Variants in BAZ2B observed in about 807,000 individuals in gnomAD.
The protein encoded by BAZ2B is bromodomain adjacent to zinc finger domain protein 2B.
A neutral mutation model predicts 246.0 loss-of-function variants in BAZ2B; 91 were observed. That is an observed-to-expected ratio of 0.37 (90% CI 0.31 to 0.44). The LOEUF is 0.44. Among genes scored for constraint, BAZ2B ranks in the 20% least tolerant of loss-of-function variants. BAZ2B has a pLI of 1.00. For missense variants in BAZ2B, 2,332 were observed against 2,533.7 expected (o/e 0.92, Z 1.71); for synonymous variants, 855 against 860.0 (o/e 0.99, Z 0.10).
the BAZ2B span, chr2:159,689,862 A>AAG: frequency 2.2e-6 from 1 of 461,164 alleles, no homozygotes; most frequent in Non-Finnish European, 3.9e-6. Context: ...TACTGAGCAT[A>AAG]AGAGGTCATC....
upstream of BAZ2B, among the ~76,000 whole-genome samples, chr2:159,617,277 C>A (rs1696195741): frequency 1.3e-5 from 2 of 152,004 alleles, no homozygotes; most frequent in Admixed American, 6.6e-5. Flanking sequence ...CTATGGTCTA[C>A]CCCCAGAATC....
chr2:159,450,378 G>GAAAAAAAAAAAAAAA (rs35106931), intron 4 of BAZ2B, among the ~76,000 whole-genome samples: 1 of 125,852 alleles, frequency 7.9e-6, no homozygotes, highest in African/African-American at 3.2e-5. Context: ...CTCTCTCAAA[G>GAAAAAAAAAAAAAAA]AAAAAAAAAA....
At chr2:159,696,604 CTTCT>C in the BAZ2B span, among the ~76,000 whole-genome samples, 2 of 152,144 alleles carry the variant, frequency 1.3e-5, no homozygotes, top group Non-Finnish European at 2.9e-5. Flanking sequence ...CTGTCACTAG[CTTCT>C]TTCTTCTCCT....
At chr2:159,646,449 A>T in the BAZ2B span, among the ~76,000 whole-genome samples, 28 of 152,116 alleles carry the variant, frequency 1.8e-4, no homozygotes, top group Non-Finnish European at 3.4e-4. Flanking sequence ...GGCAATATAC[A>T]TCCTTCTCAG....
chr2:159,392,944 A>G (rs930900465), intron 20 of BAZ2B, among the ~76,000 whole-genome samples: 1 of 145,042 alleles, frequency 6.9e-6, no homozygotes, highest in Admixed American at 6.9e-5. Flanking sequence ...GTGGAATTAA[A>G]TACATTTATT....
intron 2 of BAZ2B, among the ~76,000 whole-genome samples, chr2:159,535,642 C>G (rs565041892): frequency 2.4e-4 from 36 of 152,130 alleles, no homozygotes; most frequent in African/African-American, 8.7e-4. Flanking sequence ...CAGTATAGTA[C>G]TTAAAATAAG....
the BAZ2B span, among the ~76,000 whole-genome samples, chr2:159,687,896 C>T: frequency 6.6e-6 from 1 of 152,090 alleles, no homozygotes; most frequent in East Asian, 1.9e-4. Context: ...AATTGAATTG[C>T]ATTGGTGTCC....
At chr2:159,661,546 A>AT in the BAZ2B span, among the ~76,000 whole-genome samples, 2 of 152,178 alleles carry the variant, frequency 1.3e-5, no homozygotes, top group South Asian at 4.1e-4. Context: ...TAGTTTTACA[A>AT]TTTTATATTC....
At chr2:159,526,701 T>G (rs2084779611) in intron 2 of BAZ2B, among the ~76,000 whole-genome samples, 2 of 152,060 alleles carry the variant, frequency 1.3e-5, no homozygotes, top group Admixed American at 6.5e-5. Context: ...GAAAAATGAA[T>G]GTCTTTTGGC....
At chr2:159,367,413 C>T (rs184306196) in intron 27 of BAZ2B, among the ~76,000 whole-genome samples, 30 of 152,148 alleles carry the variant, frequency 2.0e-4, no homozygotes, top group Admixed American at 4.6e-4. Context: ...TTGTACAACA[C>T]GAATTTAATT....
chr2:159,467,159 C>A (rs2077165149), intron 3 of BAZ2B, among the ~76,000 whole-genome samples: 1 of 152,064 alleles, frequency 6.6e-6, no homozygotes, highest in African/African-American at 2.4e-5. Context: ...GATAAGGGGT[C>A]AGAATGAGAA....
At chr2:159,603,773 G>C (rs1692744998) in intron 1 of BAZ2B, among the ~76,000 whole-genome samples, 2 of 151,802 alleles carry the variant, frequency 1.3e-5, no homozygotes, top group South Asian at 4.2e-4. Flanking sequence ...GGTCACTAAT[G>C]TCCTTGTCAC....
chr2:159,600,441 A>C (rs898793808), intron 1 of BAZ2B, among the ~76,000 whole-genome samples: 1 of 152,210 alleles, frequency 6.6e-6, no homozygotes, highest in Non-Finnish European at 1.5e-5. Flanking sequence ...TTAAAAAAAA[A>C]CGAAAAAATA....
Position 159,349,201 on chromosome 2 carries a change from G to A in BAZ2B, c.4943C>T (p.Thr1648Ile), listed in dbSNP as rs757078097. 6.2e-7 allele frequency: 1 copy of A among 1,614,014 alleles called. No homozygotes were observed. The highest frequency in any genetic ancestry group is 8.5e-7 in the Non-Finnish European group (1 of 1,179,924). ...TGVVTSNIPF[T>I]SSVPSLGSGL... ...CGATCCTAGACTAGGTACAGATGAT[G>A]TAAATGGAATATTAGAAGTAACCAC... Residue 1648 changes from threonine (T) to isoleucine (I), a missense_variant, in exon 29 of 37, where the codon ACA (threonine) becomes ATA (isoleucine). Physicochemically the swap from Thr to Ile is moderately conservative, Grantham distance 89 (BLOSUM62 -1). Transcript: ENST00000392783.
chr2:159,490,396 T>C (rs984003115), intron 2 of BAZ2B, among the ~76,000 whole-genome samples: 1 of 152,346 alleles, frequency 6.6e-6, no homozygotes, highest in South Asian at 2.1e-4. Context: ...AGCATGGGTA[T>C]GACCCATCTA....
At chr2:159,680,285 G>A in the BAZ2B span, among the ~76,000 whole-genome samples, 45 of 152,240 alleles carry the variant, frequency 3.0e-4, no homozygotes, top group Admixed American at 2.1e-3. Context: ...TATCCATTGC[G>A]TTAAGCTAAT....
the BAZ2B span, among the ~76,000 whole-genome samples, chr2:159,666,833 CAACAGAGCG>C: frequency 1.3e-5 from 2 of 151,570 alleles, no homozygotes; most frequent in South Asian, 4.2e-4. Flanking sequence ...CCAGCCTGGG[CAACAGAGCG>C]AAGACTCCAT....
At chr2:159,332,889 A>T in intron 33 of BAZ2B, 1 of 574,954 alleles carries the variant, frequency 1.7e-6, no homozygotes, top group Admixed American at 3.2e-5. Context: ...ATTGGGGTAA[A>T]TGCACATTTC....
At chr2:159,582,880 A>C (rs1238770540) in intron 1 of BAZ2B, among the ~76,000 whole-genome samples, 2 of 152,206 alleles carry the variant, frequency 1.3e-5, no homozygotes, top group Middle Eastern at 3.2e-3. Flanking sequence ...ATCAATAGTT[A>C]AGTAAATGAC....
Sources: allele counts gnomAD v4.1 joint callset (sites outside exome capture counted in the v4.1 genomes callset), GRCh38; gene constraint gnomAD v4.1.1; transcripts MANE v1.5; gene names NCBI Gene and HGNC (gene_info 2026-07-23, HGNC 2026-07-21).